PDHA1: variants seen among roughly 807,000 people sequenced by gnomAD.
The protein encoded by PDHA1 is pyruvate dehydrogenase E1 component subunit alpha, somatic form, mitochondrial.
In PDHA1, 1 loss-of-function variant was observed where a neutral mutation model predicts 33.0. The observed-to-expected ratio is 0.03, with a 90% CI of 0.01 to 0.14. PDHA1 has a LOEUF of 0.14. Among genes scored for constraint, PDHA1 ranks in the 10% least tolerant of loss-of-function variants. The pLI is 1.00. For missense variants in PDHA1, 168 were observed against 325.1 expected, an observed-to-expected ratio of 0.52 and a Z score of 3.72; for synonymous variants, 123 against 119.2, an observed-to-expected ratio of 1.03 and a Z score of -0.21.
At chrX:19,344,820 G>A (rs2063120120) in intron 1 of PDHA1, among the ~76,000 whole-genome samples, 1 of 112,007 alleles carries the variant, frequency 8.9e-6, no homozygotes, top group Admixed American at 9.4e-5. Context: ...TCTCCAGTTC[G>A]GTATACATTT....
chrX:19,361,645 A>G lies in PDHA1; in HGVS notation c.*1992A>G, dbSNP rs776362774. ...ATTAGTCTAACCATAAAACTCTTCA[A>G]AAGTAACCAGTTGGATTAATAAATG... On this transcript the variant is annotated 3_prime_UTR_variant, in exon 11 of 11. Transcript: ENST00000422285. 6 of 845,402 alleles carry G rather than the reference A, an allele frequency of 7.1e-6. No homozygotes were observed. Among genetic ancestry groups the G allele is most frequent in the Non-Finnish European group, 1.0e-5 (6 of 579,574 alleles). The allele number at this position is 845,402 out of a possible 1,213,427, so 69.7% of individuals were successfully genotyped here.
chrX:19,353,308 G>A (rs2063174953), intron 5 of PDHA1, 135 bp downstream of exon 5: 6 of 548,096 alleles, frequency 1.1e-5, no homozygotes, highest in Admixed American at 5.3e-5. Flanking sequence ...GGTCAATGTC[G>A]CATATATGAT....
intron 8 of PDHA1, 146 bp downstream of exon 8, chrX:19,355,903 T>C (rs1401800558): frequency 5.9e-6 from 3 of 509,627 alleles, no homozygotes; most frequent in Admixed American, 2.8e-5. Context: ...AGGGCTCCTT[T>C]GGGTAGCTTG....
chrX:19,355,592 A>G (rs1347359689), intron 7 of PDHA1, 88 bp downstream of exon 7: 2 of 1,152,826 alleles, frequency 1.7e-6, no homozygotes, highest in Non-Finnish European at 2.4e-6. Context: ...GAAACATTGG[A>G]GAGTTTCATT....
chrX:19,357,552 G>A (rs984268775), intron 8 of PDHA1, 100 bp from the exon 9 acceptor site: 56 of 634,363 alleles, frequency 8.8e-5, no homozygotes, highest in Non-Finnish European at 1.4e-4. Flanking sequence ...AGACTACACT[G>A]GACGCTTAAT....
intron 8 of PDHA1, among the ~76,000 whole-genome samples, chrX:19,356,507 A>G (rs2063201319): frequency 9.0e-6 from 1 of 111,625 alleles, no homozygotes; most frequent in Non-Finnish European, 1.9e-5. Context: ...TAATGAGTAG[A>G]ATGAACTAGA....
chrX:19,353,370 T>C (rs1602226180), intron 5 of PDHA1, 197 bp downstream of exon 5: 1 of 470,413 alleles, frequency 2.1e-6, no homozygotes, highest in South Asian at 3.1e-5. Context: ...CGCCTAGTGA[T>C]GTTGTAGTGG....
intron 5 of PDHA1, among the ~76,000 whole-genome samples, chrX:19,353,591 C>T (rs983526311): frequency 6.3e-5 from 7 of 111,393 alleles, no homozygotes; most frequent in African/African-American, 1.6e-4. Context: ...GAGAATATAT[C>T]CCTGTTGTTA....
At chrX:19,355,557 C>T (rs748317932) in intron 7 of PDHA1, 53 bp downstream of exon 7, 49 of 1,156,345 alleles carry the variant, frequency 4.2e-5, no homozygotes, top group Non-Finnish European at 5.6e-5. Context: ...AGGGTATGTC[C>T]TTGTGCAGAC....
At chrX:19,358,783 C>A in intron 9 of PDHA1, 133 bp from the exon 10 acceptor site, 1 of 510,744 alleles carries the variant, frequency 2.0e-6, no homozygotes, top group Non-Finnish European at 3.6e-6. Context: ...TTGGTATGCC[C>A]CTTTGTTTCA....
Position 19,357,862 on chromosome X carries a change from T to TGAAAGCAGTGCCTCCTAATAA in PDHA1, c.899+150_899+170dup, listed in dbSNP as rs1210148467. On this transcript the variant is annotated intron_variant, in intron 9 of 10. Transcript: ENST00000422285. Reference sequence around the variant, plus strand: ...CAGTTGTGTTGGGCATCAAGTTATCTGAAAGCAGTGCCTCCTAATAAGAAA... The same window carrying TGAAAGCAGTGCCTCCTAATAA: ...CAGTTGTGTTGGGCATCAAGTTATCTGAAAGCAGTGCCTCCTAATAAGAAAGCAGTGCCTCCTAATAAGAAA... 7.7e-6 allele frequency: 4 copies of TGAAAGCAGTGCCTCCTAATAA among 517,447 alleles called. No individual in the cohort carries two copies. The African/African-American group carries it at 9.3e-5, about 12-fold the overall frequency. The allele number at this position is 517,447 out of a possible 1,213,427, so 42.6% of individuals were successfully genotyped here. A position where few individuals can be genotyped will look rare whatever the true frequency, so the allele number is the denominator to read the frequency against.
Position 19,359,890 on chromosome X carries a change from C to G in PDHA1, c.*237C>G, listed in dbSNP as rs1189787497. 5 of 409,367 alleles carry G rather than the reference C, an allele frequency of 1.2e-5. No homozygotes were observed. Among genetic ancestry groups the G allele is most frequent in the Non-Finnish European group, 2.2e-5 (5 of 232,285 alleles). 33.7% of individuals were successfully genotyped at this position (409,367 alleles called of 1,213,427 possible). A position where few individuals can be genotyped will look rare whatever the true frequency, so the allele number is the denominator to read the frequency against. On this transcript the variant is annotated 3_prime_UTR_variant, in exon 11 of 11. Coordinates refer to ENST00000422285, the MANE Select transcript of PDHA1 (RefSeq NM_000284.4). ...TAAAATAGTATACTTTGAACAAATA[C>G]TCTAATTATGAAAAGGAAGAACAAT...
intron 7 of PDHA1, 52 bp from the exon 8 acceptor site, chrX:19,355,634 A>G: frequency 8.8e-7 from 1 of 1,135,472 alleles, no homozygotes; most frequent in Non-Finnish European, 1.2e-6. Flanking sequence ...TGAAAGTAAA[A>G]TGGTTTGGGG....
intron 8 of PDHA1, chrX:19,357,355 C>G (rs2063209962): frequency 3.1e-6 from 1 of 325,226 alleles, no homozygotes; most frequent in African/African-American, 2.6e-5. Context: ...CTCAGCTTCC[C>G]AAAGTGCTGG....
At chrX:19,351,195 C>G (rs2063160924) in intron 3 of PDHA1, 86 bp from the exon 4 acceptor site, 2 of 919,289 alleles carry the variant, frequency 2.2e-6, no homozygotes, top group South Asian at 2.0e-5. Context: ...TTCTACTAGC[C>G]CACATATTTC....
chrX:19,345,757 C>T (rs766222207), intron 1 of PDHA1: 2 of 260,559 alleles, frequency 7.7e-6, no homozygotes, highest in Non-Finnish European at 1.5e-5. Context: ...CCCCCCCCCC[C>T]GCCACCTTAC....
At chrX:19,352,963 C>T (rs964704085) in intron 4 of PDHA1, 119 bp from the exon 5 acceptor site, 10 of 599,162 alleles carry the variant, frequency 1.7e-5, no homozygotes, top group East Asian at 3.2e-5. Context: ...GGTACTTAGA[C>T]GACTGAACTG....
In PDHA1 at chrX:19,349,929, C is replaced by A. The variant is rs774137227; in HGVS notation, c.118-8C>A. The A allele has an allele frequency of 1.7e-6, 2 of 1,199,277 alleles. No homozygotes were observed. The highest frequency in any genetic ancestry group is 2.3e-6 in the Non-Finnish European group (2 of 885,059). ...GTGGAGGATAATAACTACCTTATTC[C>A]ATTTCAGAAATGTGACCTTCACCGG... is the stretch of plus-strand genomic sequence containing the variant. On this transcript the variant is annotated splice_region_variant and splice_polypyrimidine_tract_variant and intron_variant, in intron 2 of 10. Coordinates refer to ENST00000422285, the MANE Select transcript of PDHA1 (RefSeq NM_000284.4).
intron 6 of PDHA1, 95 bp from the exon 7 acceptor site, chrX:19,355,254 G>A (rs2063187663): frequency 6.6e-6 from 7 of 1,052,889 alleles, no homozygotes; most frequent in Non-Finnish European, 9.3e-6. Flanking sequence ...TGTGCTTTAT[G>A]AAAGCTTTCT....
Sources: gnomAD v4.1 joint callset for allele counts (sites outside exome capture counted in the v4.1 genomes callset) on GRCh38, gnomAD v4.1.1 for gene constraint, MANE v1.5 for transcripts, NCBI Gene and HGNC (gene_info 2026-07-23, HGNC 2026-07-21) for gene names.